Variants in MYO10 observed in about 807,000 individuals in gnomAD.
The protein encoded by MYO10 is unconventional myosin-X.
A neutral mutation model predicts 257.3 loss-of-function variants in MYO10; 133 were observed. That is an observed-to-expected ratio of 0.52 (90% CI 0.45 to 0.60). The LOEUF (loss-of-function observed/expected upper bound fraction) is 0.60. Among genes scored for constraint, MYO10 ranks in the 20% least tolerant of loss-of-function variants. The pLI is 0.00. For missense variants in MYO10, 2,399 were observed against 2,635.7 expected, an observed-to-expected ratio of 0.91 and a Z score of 1.97; for synonymous variants, 1,104 against 1,028.6, an observed-to-expected ratio of 1.07 and a Z score of -1.40.
chr5:16,752,294 A>G (rs1052496691), intron 19 of MYO10, among the ~76,000 whole-genome samples: 2 of 151,952 alleles, frequency 1.3e-5, no homozygotes, highest in Admixed American at 1.3e-4. Context: ...TTTAATTTGT[A>G]TTTTTTGAAA....
intron 2 of MYO10, among the ~76,000 whole-genome samples, chr5:16,851,450 C>A (rs540547316): frequency 6.6e-6 from 1 of 152,086 alleles, no homozygotes; most frequent in Non-Finnish European, 1.5e-5. Flanking sequence ...CTTTAAAACT[C>A]GGAAACTTGG....
At chr5:16,823,234 C>T (rs375322729) in intron 2 of MYO10, among the ~76,000 whole-genome samples, 1 of 149,866 alleles carries the variant, frequency 6.7e-6, no homozygotes, top group East Asian at 2.1e-4. Context: ...CACTTGAGGC[C>T]AGGAGTTCAA....
chr5:16,899,385 G>A (rs2562353), intron 1 of MYO10, among the ~76,000 whole-genome samples: 83,407 of 151,056 alleles, frequency 0.55, 23,911 homozygotes, highest in African/African-American at 0.72. Flanking sequence ...CTGTAATCCC[G>A]GCACTTCGGG....
At chr5:16,713,703 G>C (rs1738725464) in intron 19 of MYO10, among the ~76,000 whole-genome samples, 1 of 152,162 alleles carries the variant, frequency 6.6e-6, no homozygotes, top group South Asian at 2.1e-4. Flanking sequence ...AATCACGAGG[G>C]GGTAGATCTG....
At position 16,781,839 on chromosome 5, in the gene MYO10, C is replaced by T. The variant is rs1477100618; in HGVS notation, c.603-10G>A. 1.2e-6 allele frequency: 2 copies of T among 1,613,628 alleles called. No homozygotes were observed. The highest frequency in any genetic ancestry group is 1.1e-5 in the South Asian group (1 of 91,028). ...AGCTTCCATGATGGGGCTGTGAAGA[C>T]AGTGAGGGCAGCAGACAGCATTAAT... is the stretch of plus-strand genomic sequence containing the variant. On this transcript the variant is annotated splice_polypyrimidine_tract_variant and intron_variant, in intron 5 of 40. Transcript: ENST00000513610.
At chr5:16,875,357 G>A (rs1460054814) in intron 2 of MYO10, among the ~76,000 whole-genome samples, 1 of 152,162 alleles carries the variant, frequency 6.6e-6, no homozygotes, top group Non-Finnish European at 1.5e-5. Flanking sequence ...AGAAAAATGT[G>A]GCCAGTCCTA....
chr5:16,795,844 G>A (rs1741922542), intron 3 of MYO10, among the ~76,000 whole-genome samples: 1 of 152,022 alleles, frequency 6.6e-6, no homozygotes, highest in African/African-American at 2.4e-5. Flanking sequence ...CAAATTTTAT[G>A]CTATGCAGAG....
intron 19 of MYO10, among the ~76,000 whole-genome samples, chr5:16,720,014 GTGTGTGTGTA>G (rs1294364913): frequency 0.021 from 3,111 of 146,756 alleles, 107 homozygotes; most frequent in African/African-American, 0.079. Flanking sequence ...GTGTGTGTGT[GTGTGTGTGTA>G]TATGTATGTA....
chr5:16,796,078 A>C (rs1741931590), intron 3 of MYO10, among the ~76,000 whole-genome samples: 1 of 150,820 alleles, frequency 6.6e-6, no homozygotes, highest in South Asian at 2.1e-4. Context: ...AATCCCAGCT[A>C]CTCGGGAGGC....
intron 4 of MYO10, among the ~76,000 whole-genome samples, chr5:16,790,994 C>T (rs960202668): frequency 6.6e-6 from 1 of 151,264 alleles, no homozygotes; most frequent in East Asian, 1.9e-4. Context: ...AAAATTAAAA[C>T]TAGACCTTAA....
rs1007853810 is a variant in MYO10 at position 16,870,197 on chromosome 5, A to G, written c.120+7412T>C. On this transcript the variant is annotated intron_variant, in intron 2 of 40. Transcript: ENST00000513610. ...GGGAGGGCTCAGAGAATAAAAAGGA[A>G]AGGAAAAGCTTCGAAGTGCAAGAAA... Among the ~76,000 whole-genome samples the G allele has an allele frequency of 8.5e-5, 12 of 140,768 alleles. No homozygotes were observed. In the South Asian group the frequency reaches 1.1e-3, roughly 13 times the overall value. The allele number at this position is 140,768 out of a possible 152,430, so 92.3% of individuals were successfully genotyped here.
intron 37 of MYO10, 49 bp downstream of exon 37, chr5:16,672,640 G>A (rs975770610): frequency 6.2e-7 from 1 of 1,608,170 alleles, no homozygotes; most frequent in Admixed American, 1.7e-5. Flanking sequence ...ACCCTGCTCT[G>A]CAATTTCTCT....
At chr5:16,796,971 G>GTCTTT (rs1741990917) in intron 3 of MYO10, among the ~76,000 whole-genome samples, 2 of 130,008 alleles carry the variant, frequency 1.5e-5, no homozygotes, top group Admixed American at 1.7e-4. Context: ...CACCCAGGGG[G>GTCTTT]GTTGGCGGAG....
rs778506795 is a variant in MYO10 at position 16,704,706 on chromosome 5, T to C, written c.2170-21A>G. Reference sequence around the variant, plus strand: ...AAGACCTGCTCAGGACGGAGTCACATGTCAGAAGCAAAGAACATGGCCAGC... The same window carrying C: ...AAGACCTGCTCAGGACGGAGTCACACGTCAGAAGCAAAGAACATGGCCAGC... On this transcript the variant is annotated intron_variant, in intron 21 of 40. Coordinates refer to ENST00000513610, the MANE Select transcript of MYO10 (RefSeq NM_012334.3). 3.1e-6 allele frequency: 5 copies of C among 1,595,298 alleles called. No individual in the cohort carries two copies. The South Asian group carries it at 3.3e-5, about 11-fold the overall frequency.
At chr5:16,684,157 T>C (rs796212184) in intron 29 of MYO10, among the ~76,000 whole-genome samples, 26 of 152,322 alleles carry the variant, frequency 1.7e-4, no homozygotes, top group African/African-American at 6.0e-4. Context: ...AAATTACAAG[T>C]TAATCATTAC....
intron 2 of MYO10, among the ~76,000 whole-genome samples, chr5:16,841,960 T>C (rs559704890): frequency 8.5e-6 from 1 of 116,978 alleles, no homozygotes; most frequent in Non-Finnish European, 1.6e-5. Context: ...ATCTGATAAC[T>C]AGACAAAGAG....
At chr5:16,817,433 C>T (rs58996233) in intron 3 of MYO10, among the ~76,000 whole-genome samples, 4 of 152,100 alleles carry the variant, frequency 2.6e-5, no homozygotes, top group Non-Finnish European at 5.9e-5. Context: ...CTTTATAATA[C>T]AGGTATAGTC....
At chr5:16,739,940 T>C (rs992420668) in intron 19 of MYO10, among the ~76,000 whole-genome samples, 1 of 152,166 alleles carries the variant, frequency 6.6e-6, no homozygotes, top group Non-Finnish European at 1.5e-5. Flanking sequence ...TTTTTATTAT[T>C]GTCACTATTC....
chr5:16,694,543 T>A lies in MYO10; in HGVS notation c.3628A>T (p.Lys1210Ter). Residue 1210 changes from lysine to a stop codon, truncating the protein, a stop_gained, in exon 27 of 41, where the codon AAG becomes TAG. Transcript: ENST00000513610. LOFTEE classifies it high-confidence loss of function. The stretch of plus-strand genomic sequence containing the variant: ...CAGCCTTGCTTGAGGGCCTCCTGCT[T>A]GGAGCGGAACCACAAGAAGGTTTCA... ...KDETFLWFRSKQEALKQGWLH... is the reference protein window; with the variant it reads ...KDETFLWFRS 6.2e-7 allele frequency: 1 copy of A among 1,614,000 alleles called. No homozygotes were observed. The highest frequency in any genetic ancestry group is 8.5e-7 in the Non-Finnish European group (1 of 1,179,890).
Sources: gnomAD v4.1 joint callset for allele counts (sites outside exome capture counted in the v4.1 genomes callset) on GRCh38, gnomAD v4.1.1 for gene constraint, MANE v1.5 for transcripts, NCBI Gene and HGNC (gene_info 2026-07-23, HGNC 2026-07-21) for gene names.